Variants in ACTR3C observed in about 807,000 individuals in gnomAD.
ACTR3C encodes the protein actin related protein 3C, also known as actin-related protein 3C.
ACTR3C carries 18 observed loss-of-function variants against 26.3 expected under a neutral mutation model. That is an observed-to-expected ratio of 0.68 (90% CI 0.47 to 1.01). The LOEUF (loss-of-function observed/expected upper bound fraction) is 1.01, where lower values mean the gene tolerates loss of function less well. Among genes scored for constraint, ACTR3C ranks in the 50% least tolerant of loss-of-function variants. The probability of loss-of-function intolerance (pLI) is 0.00; values close to 1 mark genes in which losing one functional copy is unlikely to be tolerated. For missense variants in ACTR3C, 184 were observed against 250.7 expected (o/e 0.73, Z 1.80); for synonymous variants, 55 against 94.5 (o/e 0.58, Z 2.42).
At chr7:150,088,196 T>C in the ACTR3C span, among the ~76,000 whole-genome samples, 18 of 152,248 alleles carry the variant, frequency 1.2e-4, no homozygotes, top group African/African-American at 4.3e-4. Context: ...ATGCCCAATT[T>C]ATCTTGTTTT....
At chr7:150,310,654 T>A (rs1796228993) in intron 1 of ACTR3C, among the ~76,000 whole-genome samples, 1 of 152,068 alleles carries the variant, frequency 6.6e-6, no homozygotes, top group Non-Finnish European at 1.5e-5. Flanking sequence ...TTTTCACCTT[T>A]ACCTGAACTG....
the ACTR3C span, among the ~76,000 whole-genome samples, chr7:150,051,923 G>T: frequency 1.3e-5 from 2 of 152,208 alleles, no homozygotes; most frequent in African/African-American, 4.8e-5. Flanking sequence ...TAGCTAAAAG[G>T]TTTTCTTATT....
chr7:150,312,561 CTTATT>C (rs1003600269), intron 1 of ACTR3C, among the ~76,000 whole-genome samples: 2 of 152,140 alleles, frequency 1.3e-5, no homozygotes, highest in Non-Finnish European at 2.9e-5. Flanking sequence ...TTTTAGAGAA[CTTATT>C]TTATTAGGGC....
At chr7:150,036,993 TCC>T in the ACTR3C span, among the ~76,000 whole-genome samples, 13 of 44,076 alleles carry the variant, frequency 2.9e-4, 1 homozygote, top group African/African-American at 9.6e-4. Context: ...GGGGGGTGCC[TCC>T]GCCCCCCTGC....
At chr7:149,904,601 A>T in the ACTR3C span, among the ~76,000 whole-genome samples, 13 of 127,942 alleles carry the variant, frequency 1.0e-4, 1 homozygote, top group African/African-American at 3.2e-4. Context: ...AGAGACATGA[A>T]TAAACAATAA....
chr7:150,029,903 C>T, the ACTR3C span, among the ~76,000 whole-genome samples: 3 of 150,868 alleles, frequency 2.0e-5, no homozygotes, highest in Non-Finnish European at 4.4e-5. Context: ...TAGCTTTCTC[C>T]TCCTTCTCAA....
At chr7:150,062,350 T>A in the ACTR3C span, 3 of 80,322 alleles carry the variant, frequency 3.7e-5, no homozygotes, top group Non-Finnish European at 7.0e-5. Context: ...CAACTGCATG[T>A]GGGGTGGGCT....
chr7:150,092,008 A>AAAAAAAAAAAAAC, the ACTR3C span, among the ~76,000 whole-genome samples: 1 of 139,734 alleles, frequency 7.2e-6, no homozygotes, highest in Non-Finnish European at 1.6e-5. Context: ...AAAAAAAAAA[A>AAAAAAAAAAAAAC]AAAAAAAAAA....
At chr7:150,146,323 A>C in the ACTR3C span, among the ~76,000 whole-genome samples, 4 of 152,164 alleles carry the variant, frequency 2.6e-5, no homozygotes, top group African/African-American at 4.8e-5. Context: ...GGAAGCAGGA[A>C]CACAGATCCA....
At chr7:150,222,016 A>AAAAAAAAAAAAAAAAAAAC in the ACTR3C span, among the ~76,000 whole-genome samples, 1 of 150,238 alleles carries the variant, frequency 6.7e-6, no homozygotes, top group African/African-American at 2.5e-5. Context: ...AAAAAAAAAA[A>AAAAAAAAAAAAAAAAAAAC]AAGTACATCC....
the ACTR3C span, among the ~76,000 whole-genome samples, chr7:150,038,658 T>C: frequency 6.9e-6 from 1 of 144,996 alleles, no homozygotes; most frequent in South Asian, 2.1e-4. Flanking sequence ...AAATCCCACG[T>C]AAGGTCGGAA....
the ACTR3C span, among the ~76,000 whole-genome samples, chr7:150,134,151 A>G: frequency 6.6e-6 from 1 of 152,224 alleles, no homozygotes; most frequent in East Asian, 1.9e-4. Context: ...ACACAAGTAT[A>G]CATATGTAAC....
chr7:150,289,873 C>T (rs1204459108), intron 3 of ACTR3C, among the ~76,000 whole-genome samples: 1 of 152,200 alleles, frequency 6.6e-6, no homozygotes, highest in East Asian at 1.9e-4. Flanking sequence ...AGAAAAACCA[C>T]ATAAGATAGT....
At chr7:150,232,689 G>C in the ACTR3C span, among the ~76,000 whole-genome samples, 1 of 147,540 alleles carries the variant, frequency 6.8e-6, no homozygotes, top group Non-Finnish European at 1.5e-5. Flanking sequence ...CAGGCATGAT[G>C]GCAGATGCCT....
the ACTR3C span, among the ~76,000 whole-genome samples, chr7:150,053,085 G>A: frequency 7.3e-6 from 1 of 136,058 alleles, no homozygotes; most frequent in East Asian, 2.2e-4. Flanking sequence ...ACGAACTCCT[G>A]TCATTTCCTA....
the ACTR3C span, among the ~76,000 whole-genome samples, chr7:149,985,231 C>CACACAT: frequency 6.6e-6 from 1 of 151,472 alleles, no homozygotes; most frequent in African/African-American, 2.4e-5. Context: ...CACACACACA[C>CACACAT]ACACACACAC....
Position 150,284,477 on chromosome 7 carries a change from C to T in ACTR3C, c.564+276G>A, listed in dbSNP as rs192652565. ...AGGAGAATTGCTTGAACCCAGGAGG[C>T]GGAGGTTATAGTGAGCTGAGATCGC... is the stretch of plus-strand genomic sequence containing the variant. On this transcript the variant is annotated intron_variant, in intron 6 of 7. Transcript: ENST00000683684. Among the ~76,000 whole-genome samples, 718 of 152,178 alleles carry T rather than the reference C, an allele frequency of 4.7e-3. 2 individuals carry two copies. The highest frequency in any genetic ancestry group is 7.2e-3 in the Non-Finnish European group (487 of 68,002).
At chr7:150,029,426 A>AAAAAAAAC in the ACTR3C span, among the ~76,000 whole-genome samples, 5 of 129,620 alleles carry the variant, frequency 3.9e-5, no homozygotes, top group East Asian at 2.2e-4. Flanking sequence ...AACAAACAAA[A>AAAAAAAAC]AAAAACCATG....
At chr7:150,206,658 G>A in the ACTR3C span, among the ~76,000 whole-genome samples, 18 of 152,208 alleles carry the variant, frequency 1.2e-4, no homozygotes, top group Admixed American at 9.2e-4. Flanking sequence ...CTGACCTCAG[G>A]TGATCCACAC....
Sources: gnomAD v4.1 joint callset for allele counts (sites outside exome capture counted in the v4.1 genomes callset) on GRCh38, gnomAD v4.1.1 for gene constraint, MANE v1.5 for transcripts, NCBI Gene and HGNC (gene_info 2026-07-23, HGNC 2026-07-21) for gene names.